Variants in CLMN observed in about 807,000 individuals in gnomAD.
CLMN encodes calmin (calponin-like, transmembrane).
Under a neutral mutation model 92.7 loss-of-function variants are expected in CLMN, and 57 were observed. The observed-to-expected ratio is 0.61, with a 90% confidence interval of 0.50 to 0.77. The LOEUF (loss-of-function observed/expected upper bound fraction) is 0.77, where lower values mean the gene tolerates loss of function less well. Ranked by LOEUF, CLMN falls within the 30% of genes least tolerant of loss-of-function variation. The pLI is 0.00. For synonymous variants in CLMN, 466 were observed against 470.6 expected (o/e 0.99, Z 0.13); for missense variants, 1,158 against 1,237.5 (o/e 0.94, Z 0.96).
intron 1 of CLMN, among the ~76,000 whole-genome samples, chr14:95,319,079 C>T (rs1381406415): frequency 6.6e-6 from 1 of 152,096 alleles, no homozygotes; most frequent in Admixed American, 6.5e-5. Flanking sequence ...GAGTTGGGGG[C>T]CAGCGTGGGG....
chr14:95,242,773 AG>A (rs1401619986), intron 1 of CLMN, among the ~76,000 whole-genome samples: 2 of 149,102 alleles, frequency 1.3e-5, no homozygotes, highest in East Asian at 2.0e-4. Context: ...TTCACTATAT[AG>A]GCCAAGATGG....
In CLMN at chr14:95,264,539, C is replaced by T. The variant is rs569589736; in HGVS notation, c.83-34406G>A. 4.6e-5 allele frequency among the ~76,000 whole-genome samples: 7 copies of T among 152,210 alleles called. No individual in the cohort carries two copies. In the East Asian group the frequency reaches 5.8e-4, roughly 13 times the overall value. On this transcript the variant is annotated intron_variant, in intron 1 of 12. Transcript: ENST00000298912. ...TAGTGTGTTTACAAGACCACAGAGG[C>T]GCGCAGAAGCTAAGGTTACACTACT...
chr14:95,196,785 G>T (rs1896729139), intron 9 of CLMN, 91 bp from the exon 10 acceptor site: 3 of 1,263,812 alleles, frequency 2.4e-6, no homozygotes, highest in Non-Finnish European at 3.3e-6. Flanking sequence ...CCCAGGCCCA[G>T]CCAGGGCGTC....
Position 95,194,454 on chromosome 14 carries a change from G to A in CLMN, c.2769+82C>T. 1.2e-6 allele frequency: 2 copies of A among 1,607,658 alleles called. No individual in the cohort carries two copies. Among genetic ancestry groups the A allele is most frequent in the Non-Finnish European group, 1.7e-6 (2 of 1,176,002 alleles). ...GCTGTTGCATGCCAGTAATTTCAAA[G>A]CTCTGGGCTGGGGAGGAGGAAGGAT... On this transcript the variant is annotated intron_variant, in intron 11 of 12. Transcript: ENST00000298912. This position sits in a 1 kb window ranked among gnomAD's most constrained non-coding sequence, Gnocchi z 4.0.
At position 95,294,215 on chromosome 14, in the gene CLMN, C is replaced by T. The variant is rs2140766313; in HGVS notation, c.82+25496G>A. On this transcript the variant is annotated intron_variant, in intron 1 of 12. Coordinates refer to ENST00000298912, the MANE Select transcript of CLMN (RefSeq NM_024734.4). This position sits in a 1 kb window ranked among gnomAD's most constrained non-coding sequence, Gnocchi z 4.2. The stretch of plus-strand genomic sequence containing the variant: ...ATATTTGCTAAGCACCTACTATGTG[C>T]CAGGGACTGGACAGACTACAAAGAT... 6.6e-6 allele frequency among the ~76,000 whole-genome samples: 1 copy of T among 152,338 alleles called. No individual in the cohort carries two copies. The highest frequency in any genetic ancestry group is 2.1e-4 in the South Asian group (1 of 4,822).
At position 95,304,798 on chromosome 14, in the gene CLMN, C is replaced by T. The variant is rs375959494; in HGVS notation, c.82+14913G>A. 9.9e-5 allele frequency among the ~76,000 whole-genome samples: 15 copies of T among 152,176 alleles called. No homozygotes were observed. The East Asian group carries it at 2.3e-3, about 24-fold the overall frequency. Reference sequence around the variant, plus strand: ...CAGCTCCGAAACCCCCCACTCCTCACCCCCAGCAGCCTGGTCTGACCCTCC... The same window carrying T: ...CAGCTCCGAAACCCCCCACTCCTCATCCCCAGCAGCCTGGTCTGACCCTCC... On this transcript the variant is annotated intron_variant, in intron 1 of 12. Transcript: ENST00000298912.
chr14:95,217,026 T>G (rs2352941), intron 4 of CLMN, among the ~76,000 whole-genome samples: 78,229 of 152,002 alleles, frequency 0.51, 20,691 homozygotes, highest in African/African-American at 0.6. Context: ...ACAGATCGGG[T>G]CTCTGCAGAC....
chr14:95,316,086 C>T (rs1158842189), intron 1 of CLMN, among the ~76,000 whole-genome samples: 1 of 152,166 alleles, frequency 6.6e-6, no homozygotes, highest in East Asian at 1.9e-4. Flanking sequence ...GAGGGGGCAG[C>T]CAGACTAGCC....
At chr14:95,269,140 A>G (rs543643797) in intron 1 of CLMN, among the ~76,000 whole-genome samples, 2 of 152,236 alleles carry the variant, frequency 1.3e-5, no homozygotes, top group African/African-American at 2.4e-5. Context: ...TAATCTCAAA[A>G]TGAAAGGTTA....
chr14:95,194,210 C>T lies in CLMN; in HGVS notation c.2770-291G>A, dbSNP rs1896635879. On this transcript the variant is annotated intron_variant, in intron 11 of 12. Transcript: ENST00000298912. This position sits in a 1 kb window ranked among gnomAD's most constrained non-coding sequence, Gnocchi z 4.0. ...CTACTGAGCACGTGCCACTGTCCAT[C>T]GGACCTTGACTCATGTTGCACCTCT... 11 of 1,393,430 alleles carry T rather than the reference C, an allele frequency of 7.9e-6. No homozygotes were observed. Among genetic ancestry groups the T allele is most frequent in the South Asian group, 3.3e-5 (2 of 61,370 alleles). The allele number at this position is 1,393,430 out of a possible 1,614,324, so 86.3% of individuals were successfully genotyped here. A position where few individuals can be genotyped will look rare whatever the true frequency, so the allele number is the denominator to read the frequency against.
In CLMN at chr14:95,303,878, C is replaced by A. The variant is rs113402673; in HGVS notation, c.82+15833G>T. The stretch of plus-strand genomic sequence containing the variant: ...GGGCTTCTAATTTTAGTCCATCTCC[C>A]AACTTTATTGAAACCTAGAGGAAAG... On this transcript the variant is annotated intron_variant, in intron 1 of 12. Transcript: ENST00000298912. Among the ~76,000 whole-genome samples, 529 of 152,298 alleles carry A rather than the reference C, an allele frequency of 3.5e-3. 5 individuals carry two copies. The highest frequency in any genetic ancestry group is 6.1e-3 in the Admixed American group (93 of 15,298).
intron 1 of CLMN, among the ~76,000 whole-genome samples, chr14:95,265,228 G>A (rs1418924894): frequency 6.7e-6 from 1 of 150,124 alleles, no homozygotes; most frequent in Non-Finnish European, 1.5e-5. Flanking sequence ...GTGAAAGAGT[G>A]AGACTCTGAA....
rs1330554520 is a variant in CLMN, at chr14:95,203,491, G to A, written c.1858C>T (p.Pro620Ser). 6.2e-7 allele frequency: 1 copy of A among 1,613,962 alleles called. No individual in the cohort carries two copies. The highest frequency in any genetic ancestry group is 1.3e-5 in the African/African-American group (1 of 74,860). ...TTGTCCATCTTAACTTGAGGCTCTGGCGAATCCTTCTTTTTGTGAGCAGAT... is the reference window on the plus strand; with the variant it reads ...TTGTCCATCTTAACTTGAGGCTCTGACGAATCCTTCTTTTTGTGAGCAGAT... ...IKSAHKKKDSPEPQVKMDKHE... is the reference protein window; with the variant it reads ...IKSAHKKKDSSEPQVKMDKHE... Residue 620 changes from proline to serine, a missense_variant, in exon 9 of 13, where the codon CCA becomes TCA. Pro to Ser is a moderately conservative substitution (Grantham distance 74). Transcript: ENST00000298912.
Position 95,230,735 on chromosome 14 carries a change from G to T in CLMN, c.83-602C>A, listed in dbSNP as rs534336287. Among the ~76,000 whole-genome samples the T allele has an allele frequency of 9.9e-4, 151 of 152,328 alleles. 1 individual carries two copies. Among genetic ancestry groups the T allele is most frequent in the African/African-American group, 3.5e-3 (146 of 41,574 alleles). On this transcript the variant is annotated intron_variant, in intron 1 of 12. Transcript: ENST00000298912. The stretch of plus-strand genomic sequence containing the variant: ...AGCTCACTCTCCAAGCTGCTCTAAG[G>T]ATACCCAGGCTCCTGCAGAGCCAAC...
At chr14:95,234,848 G>T (rs1357437238) in intron 1 of CLMN, among the ~76,000 whole-genome samples, 1 of 152,260 alleles carries the variant, frequency 6.6e-6, no homozygotes, top group Non-Finnish European at 1.5e-5. Context: ...CAGAGTCACA[G>T]AGAAAGGGAT....
In CLMN at chr14:95,259,087, T is replaced by C. The variant is rs1475171997; in HGVS notation, c.83-28954A>G. On this transcript the variant is annotated intron_variant, in intron 1 of 12. Transcript: ENST00000298912. The surrounding 1 kb of genome is among the most constrained non-coding windows in gnomAD (Gnocchi z 4.3). The stretch of plus-strand genomic sequence containing the variant: ...GTATGTATGTGTGATATGTGTTGTG[T>C]GTTTATGTGTGCTGTGGTGTGCTAT... Among the ~76,000 whole-genome samples, 3 of 151,868 alleles carry C rather than the reference T, an allele frequency of 2.0e-5. No individual in the cohort carries two copies.
intron 4 of CLMN, 61 bp downstream of exon 4, chr14:95,221,630 A>G (rs1897542120): frequency 1.4e-6 from 2 of 1,475,090 alleles, no homozygotes; most frequent in African/African-American, 1.4e-5. Flanking sequence ...CTGAACTTCA[A>G]ATGACGTCCT....
At chr14:95,231,403 T>A (rs1897884937) in intron 1 of CLMN, among the ~76,000 whole-genome samples, 1 of 152,102 alleles carries the variant, frequency 6.6e-6, no homozygotes, top group Non-Finnish European at 1.5e-5. Flanking sequence ...TTTCACCATG[T>A]TAGCCAGGAT....
At chr14:95,195,178 A>G (rs1002602231) in intron 10 of CLMN, among the ~76,000 whole-genome samples, 2 of 152,220 alleles carry the variant, frequency 1.3e-5, no homozygotes, top group African/African-American at 4.8e-5. Flanking sequence ...ACTCCATTGC[A>G]TAGTGGCTGC....
Sources: allele counts gnomAD v4.1 joint callset (sites outside exome capture counted in the v4.1 genomes callset), GRCh38; gene constraint gnomAD v4.1.1; non-coding constraint Gnocchi (gnomAD v3.1); transcripts MANE v1.5; gene names NCBI Gene and HGNC (gene_info 2026-07-23, HGNC 2026-07-21).